The following HDAC4 variants were observed in gnomAD, a reference collection of about 807,000 sequenced individuals.
HDAC4 encodes the protein histone deacetylase A.
In HDAC4, 16 loss-of-function variants were observed where a neutral mutation model predicts 135.1. The observed-to-expected ratio is 0.12, with a 90% CI of 0.08 to 0.18. The LOEUF (loss-of-function observed/expected upper bound fraction) is 0.18. HDAC4 is among the 10% of genes least tolerant of loss of function. The pLI is 1.00. For synonymous variants in HDAC4, 685 were observed against 653.4 expected (o/e 1.05, Z -0.74); for missense variants, 1,143 against 1,511.8 (o/e 0.76, Z 4.05).
intron 1 of HDAC4, among the ~76,000 whole-genome samples, chr2:239,389,440 C>T (rs1053362455): frequency 1.1e-4 from 16 of 152,216 alleles, no homozygotes; most frequent in Non-Finnish European, 2.1e-4. Context: ...ACCCCGGACA[C>T]ATCTGAAGGA....
At chr2:239,340,830 G>C (rs1460465714) in intron 2 of HDAC4, among the ~76,000 whole-genome samples, 1 of 152,122 alleles carries the variant, frequency 6.6e-6, no homozygotes, top group African/African-American at 2.4e-5. Context: ...GATGCTGCAA[G>C]ACCAAGGATG....
In HDAC4 at chr2:239,139,677, C is replaced by T. The variant is rs766014335; in HGVS notation, c.978+7G>A. The T allele has an allele frequency of 2.5e-6, 4 of 1,612,322 alleles. No homozygotes were observed. The highest frequency in any genetic ancestry group is 3.4e-6 in the Non-Finnish European group (4 of 1,178,332). ...CGTAGGACACAGGACAAACGCTTCG[C>T]ACTGACCTCCGCCGGGATGCTGGGG... is the stretch of plus-strand genomic sequence containing the variant. On this transcript the variant is annotated splice_region_variant and intron_variant, in intron 9 of 26. Transcript: ENST00000543185. This position sits in a 1 kb window ranked among gnomAD's most constrained non-coding sequence, Gnocchi z 5.3.
chr2:239,275,787 C>T (rs2050323918), intron 2 of HDAC4, among the ~76,000 whole-genome samples: 1 of 152,124 alleles, frequency 6.6e-6, no homozygotes, highest in African/African-American at 2.4e-5. Context: ...ACGCCAGGAC[C>T]CCTGCCTTCC....
chr2:239,315,226 G>A (rs1343044818), intron 2 of HDAC4, among the ~76,000 whole-genome samples: 6 of 152,120 alleles, frequency 3.9e-5, no homozygotes, highest in Admixed American at 1.3e-4. Context: ...ACTGACAGAC[G>A]CCTCATGTCT....
chr2:239,111,359 G>C (rs570071787), intron 14 of HDAC4, among the ~76,000 whole-genome samples, 167 bp downstream of exon 14: 120 of 152,332 alleles, frequency 7.9e-4, no homozygotes, highest in African/African-American at 2.8e-3. Context: ...GTAGGGCGGG[G>C]AGAGGGCCTC....
At chr2:239,066,988 G>C in intron 23 of HDAC4, 133 bp from the exon 24 acceptor site, 2 of 1,106,868 alleles carry the variant, frequency 1.8e-6, no homozygotes, top group Non-Finnish European at 2.7e-6. Context: ...GCCGGGTTTC[G>C]TTTAATAAAT....
intron 4 of HDAC4, among the ~76,000 whole-genome samples, chr2:239,182,319 C>T (rs1437794868): frequency 6.6e-6 from 1 of 152,234 alleles, no homozygotes. Flanking sequence ...CCCTCCCTCC[C>T]GCTGCTCAGA....
chr2:239,226,643 A>G lies in HDAC4; in HGVS notation c.94+9950T>C, dbSNP rs916357153. Among the ~76,000 whole-genome samples the G allele has an allele frequency of 6.6e-5, 10 of 151,454 alleles. 1 individual carries two copies. The highest frequency in any genetic ancestry group is 1.9e-4 in the East Asian group (1 of 5,146). On this transcript the variant is annotated intron_variant, in intron 3 of 26. Coordinates refer to ENST00000543185, the MANE Select transcript of HDAC4 (RefSeq NM_001378414.1). ...TTCAGAAATCTTTGGGTCGACAGCA[A>G]CAACAACAATGTAACATGTAATGGG... is the stretch of plus-strand genomic sequence containing the variant.
intron 2 of HDAC4, among the ~76,000 whole-genome samples, chr2:239,328,655 G>A (rs1411437664): frequency 5.3e-5 from 8 of 152,302 alleles, no homozygotes; most frequent in Middle Eastern, 3.4e-3. Flanking sequence ...ATCTGTGCCC[G>A]GCATCCTCCC....
In HDAC4 at chr2:239,313,900, C is replaced by G. The variant is rs924064265; in HGVS notation, c.22+38778G>C. On this transcript the variant is annotated intron_variant, in intron 2 of 26. Transcript: ENST00000543185. The surrounding 1 kb of genome is among the most constrained non-coding windows in gnomAD (Gnocchi z 5.1). Reference sequence around the variant, plus strand: ...GGGCAGCCACCTGCACTGCCTCTTACCACTGCACCGTCCCTGTGAGTGTGC... The same window carrying G: ...GGGCAGCCACCTGCACTGCCTCTTAGCACTGCACCGTCCCTGTGAGTGTGC... Among the ~76,000 whole-genome samples the G allele has an allele frequency of 1.3e-5, 2 of 152,186 alleles. No individual in the cohort carries two copies.
chr2:239,290,685 C>T (rs910951241), intron 2 of HDAC4, among the ~76,000 whole-genome samples: 12 of 152,224 alleles, frequency 7.9e-5, no homozygotes, highest in Admixed American at 2.6e-4. Context: ...AGTTCGCACG[C>T]GCATGCACAC....
Position 239,139,806 on chromosome 2 carries a change from C to T in HDAC4, c.866-10G>A, listed in dbSNP as rs761025525. ...CTGCTGCACGCGGAGTCTGCGGAGGCAGAAATACCCTGGTGAGTGTTACTC... is the reference window on the plus strand; with the variant it reads ...CTGCTGCACGCGGAGTCTGCGGAGGTAGAAATACCCTGGTGAGTGTTACTC... On this transcript the variant is annotated splice_polypyrimidine_tract_variant and intron_variant, in intron 8 of 26. Coordinates refer to ENST00000543185, the MANE Select transcript of HDAC4 (RefSeq NM_001378414.1). This position sits in a 1 kb window ranked among gnomAD's most constrained non-coding sequence, Gnocchi z 5.3. 1.9e-6 allele frequency: 3 copies of T among 1,608,148 alleles called. No individual in the cohort carries two copies. Among genetic ancestry groups the T allele is most frequent in the Admixed American group, 3.3e-5 (2 of 59,956 alleles).
chr2:239,065,973 C>T (rs1035054924), intron 24 of HDAC4, among the ~76,000 whole-genome samples: 7 of 152,336 alleles, frequency 4.6e-5, no homozygotes, highest in Non-Finnish European at 7.4e-5. Flanking sequence ...CACTTTGTGT[C>T]ACACACTTCA....
rs189363333 is a variant in HDAC4 at position 239,277,795 on chromosome 2, G to A, written c.23-41131C>T. Among the ~76,000 whole-genome samples, 8 of 152,302 alleles carry A rather than the reference G, an allele frequency of 5.3e-5. No individual in the cohort carries two copies. In the East Asian group the frequency reaches 9.6e-4, roughly 18 times the overall value. On this transcript the variant is annotated intron_variant, in intron 2 of 26. Transcript: ENST00000543185. Reference sequence around the variant, plus strand: ...CCTGCGTTCCACAGCAACTCCACCCGGGCCGGGACCCAGGCCTGAAGCAGT... The same window carrying A: ...CCTGCGTTCCACAGCAACTCCACCCAGGCCGGGACCCAGGCCTGAAGCAGT...
chr2:239,229,740 TA>T (rs890335350), intron 3 of HDAC4, among the ~76,000 whole-genome samples: 11 of 152,108 alleles, frequency 7.2e-5, no homozygotes, highest in Non-Finnish European at 1.5e-4. Flanking sequence ...GATGTCAGCA[TA>T]AAAAAATGTT....
chr2:239,285,224 G>A lies in HDAC4; in HGVS notation c.23-48560C>T, dbSNP rs1485600099. Among the ~76,000 whole-genome samples, 2 of 152,218 alleles carry A rather than the reference G, an allele frequency of 1.3e-5. No individual in the cohort carries two copies. Among genetic ancestry groups the A allele is most frequent in the Non-Finnish European group, 2.9e-5 (2 of 68,040 alleles). On this transcript the variant is annotated intron_variant, in intron 2 of 26. Transcript: ENST00000543185. This position sits in a 1 kb window ranked among gnomAD's most constrained non-coding sequence, Gnocchi z 4.5. Reference sequence around the variant, plus strand: ...GCTGGATGAGCACAGAGCCACGGTGGAGGGGGACAGAGCCACGCTAAGGAG... The same window carrying A: ...GCTGGATGAGCACAGAGCCACGGTGAAGGGGGACAGAGCCACGCTAAGGAG...
rs188431043 is a variant in HDAC4, at chr2:239,094,473, G to A, written c.2280+537C>T. 2.4e-4 allele frequency: 228 copies of A among 956,332 alleles called. 1 individual carries two copies. The Admixed American group carries it at 7.0e-3, about 30-fold the overall frequency. The allele number at this position is 956,332 out of a possible 1,614,324, so 59.2% of individuals were successfully genotyped here. A position where few individuals can be genotyped will look rare whatever the true frequency, so the allele number is the denominator to read the frequency against. Reference sequence around the variant, plus strand: ...CAGGCCAGGTCCATATCATCAGTTCGTAGAAGCTGGCACAGACCAGTGATT... The same window carrying A: ...CAGGCCAGGTCCATATCATCAGTTCATAGAAGCTGGCACAGACCAGTGATT... On this transcript the variant is annotated intron_variant, in intron 17 of 26. Transcript: ENST00000543185.
chr2:239,142,053 C>T (rs761189188), intron 8 of HDAC4, among the ~76,000 whole-genome samples: 5 of 151,918 alleles, frequency 3.3e-5, no homozygotes, highest in Non-Finnish European at 5.9e-5. Context: ...ACATGGGCTG[C>T]GGGAAGGCGT....
chr2:239,231,477 G>A (rs1011315812), intron 3 of HDAC4, among the ~76,000 whole-genome samples: 3 of 152,180 alleles, frequency 2.0e-5, no homozygotes, highest in African/African-American at 4.8e-5. Context: ...GGGGGCACAG[G>A]AGCCAGGGCA....
Sources: gnomAD v4.1 joint callset for allele counts (sites outside exome capture counted in the v4.1 genomes callset) on GRCh38, gnomAD v4.1.1 for gene constraint, Gnocchi (gnomAD v3.1) non-coding constraint, MANE v1.5 for transcripts, NCBI Gene and HGNC (gene_info 2026-07-23, HGNC 2026-07-21) for gene names.